MACROD2: variants seen among roughly 807,000 people sequenced by gnomAD.
The protein encoded by MACROD2 is mono-ADP ribosylhydrolase 2.
MACROD2 carries 36 observed loss-of-function variants against 70.4 expected under a neutral mutation model. The ratio of observed to expected loss-of-function variants is 0.51; its 90% CI spans 0.39 to 0.68. The LOEUF is 0.68. Among genes scored for constraint, MACROD2 ranks in the 30% least tolerant of loss-of-function variants. The pLI, the probability that MACROD2 is intolerant of heterozygous loss-of-function variation, is 0.00. For synonymous variants in MACROD2, 172 were observed against 178.8 expected (o/e 0.96, Z 0.30); for missense variants, 496 against 538.4 (o/e 0.92, Z 0.78).
intron 8 of MACROD2, among the ~76,000 whole-genome samples, chr20:15,682,630 G>T (rs1334486808): frequency 2.0e-5 from 3 of 152,138 alleles, no homozygotes. Context: ...CATGAAGCTT[G>T]GTTGGCCATG....
intron 3 of MACROD2, among the ~76,000 whole-genome samples, chr20:14,471,780 G>A (rs2084533743): frequency 6.6e-6 from 1 of 152,072 alleles, no homozygotes; most frequent in Admixed American, 6.6e-5. Flanking sequence ...ACCTTTAGGG[G>A]AAAATTATTG....
At chr20:14,670,938 A>C (rs1387606960) in intron 4 of MACROD2, among the ~76,000 whole-genome samples, 1 of 152,126 alleles carries the variant, frequency 6.6e-6, no homozygotes, top group African/African-American at 2.4e-5. Context: ...ATAAATAATA[A>C]ATAAATAACA....
intron 8 of MACROD2, among the ~76,000 whole-genome samples, chr20:15,675,078 C>T (rs1600742326): frequency 6.6e-6 from 1 of 152,196 alleles, no homozygotes; most frequent in Admixed American, 6.5e-5. Context: ...TGCACAGCCA[C>T]CTCCTCATTA....
chr20:15,708,910 A>C (rs569924108), intron 8 of MACROD2, among the ~76,000 whole-genome samples: 5 of 152,092 alleles, frequency 3.3e-5, no homozygotes, highest in Non-Finnish European at 7.4e-5. Context: ...CTTGTAGTCT[A>C]AGCAACTCAG....
At chr20:15,220,032 CAT>C (rs2076845295) in intron 5 of MACROD2, among the ~76,000 whole-genome samples, 1 of 143,594 alleles carries the variant, frequency 7.0e-6, no homozygotes, top group African/African-American at 2.5e-5. Context: ...GATAGAATCT[CAT>C]AGCTTTTGTT....
At chr20:14,011,933 G>A (rs2148617467) in intron 2 of MACROD2, among the ~76,000 whole-genome samples, 1 of 151,062 alleles carries the variant, frequency 6.6e-6, no homozygotes, top group East Asian at 2.0e-4. Context: ...TTTAAAGGCA[G>A]AGTCTCGCTC....
chr20:15,814,277 T>C (rs892952891), intron 8 of MACROD2, among the ~76,000 whole-genome samples: 1 of 152,192 alleles, frequency 6.6e-6, no homozygotes, highest in African/African-American at 2.4e-5. Flanking sequence ...GAAACCTTCC[T>C]GGTCAGCAGA....
At chr20:14,069,496 G>C (rs1270441775) in intron 2 of MACROD2, among the ~76,000 whole-genome samples, 1 of 151,464 alleles carries the variant, frequency 6.6e-6, no homozygotes, top group African/African-American at 2.4e-5. Flanking sequence ...TTGCCTGTCT[G>C]TCTCCTATAG....
At chr20:14,076,232 C>T (rs746745237) in intron 2 of MACROD2, among the ~76,000 whole-genome samples, 1 of 151,962 alleles carries the variant, frequency 6.6e-6, no homozygotes, top group African/African-American at 2.4e-5. Flanking sequence ...ATAGTATTAC[C>T]AGCATAATTC....
chr20:15,728,959 C>T (rs1413738050), intron 8 of MACROD2, among the ~76,000 whole-genome samples: 2 of 151,982 alleles, frequency 1.3e-5, no homozygotes, highest in Non-Finnish European at 2.9e-5. Context: ...TCTAGCTCCT[C>T]TGAGTGTGAT....
chr20:15,559,684 C>A lies in MACROD2; in HGVS notation c.645+59837C>A, dbSNP rs1269204358. 2.0e-5 allele frequency among the ~76,000 whole-genome samples: 3 copies of A among 152,178 alleles called. No individual in the cohort carries two copies. In the East Asian group the frequency reaches 5.8e-4, roughly 29 times the overall value. Reference sequence around the variant, plus strand: ...GTTCTTCTGCTGAGTAAAATCAGTGCATTAAGCATCACTGCGCATGTACAG... The same window carrying A: ...GTTCTTCTGCTGAGTAAAATCAGTGAATTAAGCATCACTGCGCATGTACAG... On this transcript the variant is annotated intron_variant, in intron 8 of 17. Transcript: ENST00000684519.
intron 5 of MACROD2, among the ~76,000 whole-genome samples, chr20:14,879,973 A>T (rs1263104169): frequency 6.6e-6 from 1 of 152,150 alleles, no homozygotes; most frequent in African/African-American, 2.4e-5. Flanking sequence ...AACTTGTGCA[A>T]ATCCAACCCC....
rs541025896 is a variant in MACROD2, at chr20:14,916,757, C to T, written c.418+231798C>T. 7.2e-5 allele frequency among the ~76,000 whole-genome samples: 11 copies of T among 152,144 alleles called. 1 individual carries two copies. The South Asian group carries it at 2.1e-3, about 29-fold the overall frequency. ...TGAAAGCATCTTAATCAGGAGGAAG[C>T]GATTTAGAAGGGCAAATCTTTTCCA... On this transcript the variant is annotated intron_variant, in intron 5 of 17. Coordinates refer to ENST00000684519, the MANE Select transcript of MACROD2 (RefSeq NM_001351661.2).
chr20:14,186,357 C>A (rs1220362952), intron 3 of MACROD2, among the ~76,000 whole-genome samples: 1 of 151,630 alleles, frequency 6.6e-6, no homozygotes, highest in Non-Finnish European at 1.5e-5. Context: ...TGAAAAAATG[C>A]TCAACATCAC....
chr20:15,824,844 C>A (rs182828954), intron 8 of MACROD2, among the ~76,000 whole-genome samples: 2 of 152,130 alleles, frequency 1.3e-5, no homozygotes, highest in African/African-American at 2.4e-5. Flanking sequence ...CTCAACCATG[C>A]CTGGAATAGA....
chr20:15,164,333 T>C (rs2076368491), intron 5 of MACROD2, among the ~76,000 whole-genome samples: 2 of 152,156 alleles, frequency 1.3e-5, no homozygotes, highest in Non-Finnish European at 2.9e-5. Context: ...TTTTCTAATA[T>C]GCCATTTTTT....
chr20:15,148,317 A>G (rs2076245311), intron 5 of MACROD2, among the ~76,000 whole-genome samples: 1 of 152,048 alleles, frequency 6.6e-6, no homozygotes, highest in Admixed American at 6.6e-5. Flanking sequence ...TTTTGTATGA[A>G]TTGAAAAACT....
At chr20:15,935,718 C>T (rs535005684) in intron 11 of MACROD2, among the ~76,000 whole-genome samples, 1 of 152,246 alleles carries the variant, frequency 6.6e-6, no homozygotes, top group South Asian at 2.1e-4. Flanking sequence ...TCATAGGCAC[C>T]ATTCCAGGCA....
intron 8 of MACROD2, among the ~76,000 whole-genome samples, chr20:15,780,818 G>A (rs1462653177): frequency 6.6e-6 from 1 of 152,078 alleles, no homozygotes; most frequent in African/African-American, 2.4e-5. Flanking sequence ...TATGAATTCA[G>A]TGTGAGGGAT....
Sources: allele counts gnomAD v4.1 joint callset (sites outside exome capture counted in the v4.1 genomes callset), GRCh38; gene constraint gnomAD v4.1.1; transcripts MANE v1.5; gene names NCBI Gene and HGNC (gene_info 2026-07-23, HGNC 2026-07-21).